The following IL18BP variants were observed in gnomAD, a reference collection of about 807,000 sequenced individuals.
IL18BP encodes the protein interleukin-18-binding protein.
In IL18BP, 23 loss-of-function variants were observed where a neutral mutation model predicts 19.9. That is an observed-to-expected ratio of 1.15 (90% confidence interval 0.83 to 1.64). The LOEUF is 1.64. IL18BP is among the 40% of genes most tolerant of loss of function. The pLI is 0.00. For synonymous variants in IL18BP, 107 were observed against 101.0 expected (o/e 1.06, Z -0.35); for missense variants, 239 against 240.7 (o/e 0.99, Z 0.05).
downstream of IL18BP, among the ~76,000 whole-genome samples, chr11:72,006,791 T>G (rs1483452425): frequency 1.3e-5 from 2 of 151,786 alleles, no homozygotes; most frequent in African/African-American, 4.8e-5. Context: ...CTCCCAAACC[T>G]CCCCTTCAAG....
In IL18BP at chr11:72,000,020, T is replaced by C; in HGVS notation, c.28+8T>C. ...GACACAACTGGACACCAGGTAGGCC[T>C]TGGGGCTACGCATGGGCAGGCGGGG... On this transcript the variant is annotated splice_region_variant and intron_variant, in intron 2 of 5. Transcript: ENST00000393703. 2 of 1,613,740 alleles carry C rather than the reference T, an allele frequency of 1.2e-6. No homozygotes were observed. Among genetic ancestry groups the C allele is most frequent in the Non-Finnish European group, 1.7e-6 (2 of 1,179,684 alleles).
At chr11:72,005,105 GAGA>G (rs1351121818), downstream of IL18BP, 8 of 1,120,042 alleles carry the variant, frequency 7.1e-6, no homozygotes, top group East Asian at 2.6e-5. Flanking sequence ...CTGGAAACAT[GAGA>G]AGGTCACCCT....
intron 3 of IL18BP, 55 bp from the exon 4 acceptor site, chr11:72,001,146 A>C (rs1955202205): frequency 1.2e-6 from 2 of 1,609,004 alleles, no homozygotes; most frequent in Non-Finnish European, 8.5e-7. Context: ...ACAGCAGAGC[A>C]GGGTAGGGGA....
At chr11:72,002,990 A>G, downstream of IL18BP, 1 of 234,910 alleles carries the variant, frequency 4.3e-6, no homozygotes, top group Non-Finnish European at 8.4e-6. Context: ...GTAGGGTGTG[A>G]GCTGCTGCTG....
downstream of IL18BP, chr11:72,003,247 C>A: frequency 2.0e-6 from 1 of 494,898 alleles, no homozygotes; most frequent in South Asian, 2.7e-5. Flanking sequence ...AGCCTCAAAT[C>A]TGGTTGTGAT....
chr11:72,005,458 C>G (rs2134419832), downstream of IL18BP: 2 of 1,306,242 alleles, frequency 1.5e-6, no homozygotes, highest in East Asian at 4.8e-5. Context: ...TTGCTGCCAC[C>G]TACCCCATAA....
At chr11:72,005,136 C>T (rs1955600772), downstream of IL18BP, 1 of 1,343,478 alleles carries the variant, frequency 7.4e-7, no homozygotes, top group African/African-American at 1.5e-5. Flanking sequence ...CTCGGCCAGT[C>T]AGTGATCCAG....
downstream of IL18BP, chr11:72,006,284 G>C: frequency 6.2e-7 from 1 of 1,607,356 alleles, no homozygotes; most frequent in Non-Finnish European, 8.5e-7. Flanking sequence ...GAGTGAATCT[G>C]TTGCAGTGTA....
downstream of IL18BP, chr11:72,004,288 A>G (rs145040216): frequency 1.5e-5 from 24 of 1,612,890 alleles, no homozygotes; most frequent in African/African-American, 2.8e-4. Flanking sequence ...TGCGCCCTTC[A>G]TGTCGGTCTC....
chr11:72,003,030 C>G (rs1459965467), downstream of IL18BP: 2 of 237,706 alleles, frequency 8.4e-6, no homozygotes, highest in Non-Finnish European at 1.7e-5. Flanking sequence ...ACTCCTGAGA[C>G]ATAGGGCCCA....
intron 5 of IL18BP, 83 bp downstream of exon 5, chr11:72,001,635 G>T: frequency 2.5e-6 from 4 of 1,591,964 alleles, no homozygotes; most frequent in Non-Finnish European, 3.4e-6. Context: ...CTCTGCCAGA[G>T]CAGCCTGTGA....
intron 3 of IL18BP, among the ~76,000 whole-genome samples, chr11:72,000,841 G>GA: frequency 6.6e-6 from 1 of 152,320 alleles, no homozygotes; most frequent in South Asian, 2.1e-4. Flanking sequence ...CCTCCACCCA[G>GA]AGCCTGCTGG....
chr11:72,007,059 C>T, downstream of IL18BP: 4 of 1,149,430 alleles, frequency 3.5e-6, no homozygotes, highest in South Asian at 6.0e-5. Context: ...TTTAAGACCT[C>T]TCAGCTTTCC....
Position 72,001,891 on chromosome 11 carries a change from C to T in IL18BP, c.*30C>T, listed in dbSNP as rs766027120. Reference sequence around the variant, plus strand: ...CAGCACAGGGCCAGCAGCAGCACAACCTTGACCAGAGCTTGGGTCCTACCT... The same window carrying T: ...CAGCACAGGGCCAGCAGCAGCACAATCTTGACCAGAGCTTGGGTCCTACCT... On this transcript the variant is annotated 3_prime_UTR_variant, in exon 6 of 6. Transcript: ENST00000393703. The T allele has an allele frequency of 5.3e-5, 86 of 1,613,786 alleles. 2 individuals carry two copies. In the South Asian group the frequency reaches 8.8e-4, roughly 16 times the overall value.
chr11:72,001,770 C>G lies in IL18BP; in HGVS notation c.508-14C>G, dbSNP rs1955261835. 2 of 1,613,978 alleles carry G rather than the reference C, an allele frequency of 1.2e-6. No homozygotes were observed. The highest frequency in any genetic ancestry group is 2.7e-5 in the African/African-American group (2 of 74,922). On this transcript the variant is annotated splice_polypyrimidine_tract_variant and intron_variant, in intron 5 of 5. Transcript: ENST00000393703. ...TTTCCTTGGCCTGATCCTTGTCTGC[C>G]TTCACTTCCCTAGGCTGGGCTGAGG...
intron 5 of IL18BP, 75 bp downstream of exon 5, chr11:72,001,627 C>T: frequency 1.3e-6 from 2 of 1,589,810 alleles, no homozygotes; most frequent in Non-Finnish European, 1.7e-6. Flanking sequence ...AGGGTGGGCT[C>T]TGCCAGAGCA....
downstream of IL18BP, chr11:72,007,707 A>G (rs1396079619): frequency 1.6e-5 from 8 of 502,114 alleles, no homozygotes; most frequent in Admixed American, 1.1e-4. Context: ...CTTCACAGCA[A>G]ACACGTCCCA....
At chr11:72,007,299 G>A, downstream of IL18BP, 1 of 1,613,374 alleles carries the variant, frequency 6.2e-7, no homozygotes, top group East Asian at 2.2e-5. Flanking sequence ...CTCTCCAGGG[G>A]GGCCTGACTC....
intron 5 of IL18BP, 98 bp from the exon 6 acceptor site, chr11:72,001,686 G>C: frequency 1.2e-6 from 2 of 1,611,800 alleles, no homozygotes; most frequent in Non-Finnish European, 1.7e-6. Flanking sequence ...AGACAAAAAG[G>C]AACTTAGGTC....
Sources: allele counts gnomAD v4.1 joint callset (sites outside exome capture counted in the v4.1 genomes callset), GRCh38; gene constraint gnomAD v4.1.1; transcripts MANE v1.5; gene names NCBI Gene and HGNC (gene_info 2026-07-23, HGNC 2026-07-21).